The following ITIH2 variants were observed in gnomAD, a reference collection of about 807,000 sequenced individuals.
ITIH2 encodes inter-alpha-trypsin inhibitor heavy chain H2.
ITIH2 carries 103 observed loss-of-function variants against 104.4 expected under a neutral mutation model. The ratio of observed to expected loss-of-function variants is 0.99; its 90% CI spans 0.84 to 1.16. The LOEUF (loss-of-function observed/expected upper bound fraction) is 1.16. ITIH2 is among the 50% of genes most tolerant of loss of function. The pLI is 0.00. For missense variants in ITIH2, 1,108 were observed against 1,162.4 expected (o/e 0.95, Z 0.68); for synonymous variants, 436 against 435.4 (o/e 1.00, Z -0.02).
At chr10:7,748,398 G>A (rs868367168) in intron 20 of ITIH2, among the ~76,000 whole-genome samples, 1 of 149,640 alleles carries the variant, frequency 6.7e-6, no homozygotes, top group Non-Finnish European at 1.5e-5. Context: ...CAGTGTGAAC[G>A]AGATCCTTAA....
chr10:7,744,254 C>A lies in ITIH2; in HGVS notation c.2382C>A (p.Ser794=). The A allele has an allele frequency of 6.2e-7, 1 of 1,613,902 alleles. No individual in the cohort carries two copies. Among genetic ancestry groups the A allele is most frequent in the Non-Finnish European group, 8.5e-7 (1 of 1,179,918 alleles). Residue 794 remains serine, a synonymous_variant, in exon 18 of 21, where the codon TCC becomes TCA. Transcript: ENST00000358415. ...CTAGCACATTCTCCTTGTCCTGGTC[C>A]GACACGGCTCAAGTCACGAATCAGA... ...HGSSTFSLSW[S]DTAQVTNQRV...
intron 5 of ITIH2, among the ~76,000 whole-genome samples, chr10:7,714,061 A>T (rs1453094391): frequency 6.6e-6 from 1 of 151,938 alleles, no homozygotes; most frequent in African/African-American, 2.4e-5. Flanking sequence ...AATCTAAGTA[A>T]GACCTGGGAA....
At chr10:7,729,045 G>A (rs769652633) in intron 11 of ITIH2, among the ~76,000 whole-genome samples, 2 of 152,194 alleles carry the variant, frequency 1.3e-5, no homozygotes, top group Non-Finnish European at 2.9e-5. Flanking sequence ...CAGGCATGGT[G>A]GCTCACACCT....
At chr10:7,729,735 C>T (rs1834983897) in intron 11 of ITIH2, 1 of 446,094 alleles carries the variant, frequency 2.2e-6, no homozygotes, top group South Asian at 5.0e-5. Context: ...CAATATGTTG[C>T]TAATTCCCAA....
rs375927769 is a variant in ITIH2, at chr10:7,744,954, G to A, written c.2572G>A (p.Gly858Arg). ...PTNKFSPKAH[G>R]LIGQFMQEPK... ...AAACAAGTTCTCACCTAAAGCCCACGGACTAATAGGTAAAGTGTCTATTGA... is the reference window on the plus strand; with the variant it reads ...AAACAAGTTCTCACCTAAAGCCCACAGACTAATAGGTAAAGTGTCTATTGA... The change falls in exon 19 of 21, where the codon GGA becomes AGA. Residue 858 changes from glycine (G) to arginine (R), a missense_variant. Transcript: ENST00000358415. The A allele has an allele frequency of 1.1e-5, 17 of 1,613,340 alleles. No individual in the cohort carries two copies. The highest frequency in any genetic ancestry group is 8.0e-5 in the African/African-American group (6 of 74,902).
chr10:7,744,326 C>A, intron 18 of ITIH2, 46 bp downstream of exon 18: 1 of 1,427,764 alleles, frequency 7.0e-7, no homozygotes, highest in Non-Finnish European at 9.8e-7. Flanking sequence ...TGACACACGA[C>A]TGCATAAATA....
chr10:7,711,204 C>G (rs893760154), intron 4 of ITIH2, among the ~76,000 whole-genome samples: 2 of 152,158 alleles, frequency 1.3e-5, no homozygotes, highest in Non-Finnish European at 2.9e-5. Flanking sequence ...ATTTTCTGTT[C>G]CTGTGTTAGT....
At chr10:7,708,897 G>A (rs1834770890) in intron 3 of ITIH2, 125 bp from the exon 4 acceptor site, 6 of 801,198 alleles carry the variant, frequency 7.5e-6, no homozygotes, top group African/African-American at 1.7e-5. Context: ...CCTTACCAAG[G>A]CCCTGGAATT....
chr10:7,732,290 T>C (rs1402006365), intron 13 of ITIH2, 48 bp from the exon 14 acceptor site: 2 of 1,582,308 alleles, frequency 1.3e-6, no homozygotes, highest in Non-Finnish European at 1.7e-6. Context: ...ATCAATGAAC[T>C]ATAATTCTGT....
At chr10:7,744,396 T>A (rs903251810) in intron 18 of ITIH2, 116 bp downstream of exon 18, 2 of 948,040 alleles carry the variant, frequency 2.1e-6, no homozygotes, top group Non-Finnish European at 3.1e-6. Flanking sequence ...TATAAGGAAG[T>A]TGAGGTTCAG....
intron 15 of ITIH2, among the ~76,000 whole-genome samples, chr10:7,736,255 TACTC>T (rs1447334458): frequency 1.3e-5 from 2 of 152,014 alleles, no homozygotes; most frequent in Non-Finnish European, 2.9e-5. Flanking sequence ...TAGTCCCAAA[TACTC>T]AGGAGGCTGA....
At chr10:7,739,179 C>G (rs1036546054) in intron 16 of ITIH2, among the ~76,000 whole-genome samples, 1 of 152,200 alleles carries the variant, frequency 6.6e-6, no homozygotes, top group African/African-American at 2.4e-5. Context: ...AGACGGGGAG[C>G]TGCCCCGGGG....
At chr10:7,714,428 T>C (rs1408361967) in intron 5 of ITIH2, among the ~76,000 whole-genome samples, 1 of 152,100 alleles carries the variant, frequency 6.6e-6, no homozygotes, top group East Asian at 1.9e-4. Context: ...CGCCTCGGCC[T>C]CCCAAACTGC....
At chr10:7,707,784 C>T (rs1389755270) in intron 3 of ITIH2, among the ~76,000 whole-genome samples, 2 of 152,088 alleles carry the variant, frequency 1.3e-5, no homozygotes, top group Non-Finnish European at 1.5e-5. Context: ...AGGCTGGTCT[C>T]GAACTCCTGA....
At chr10:7,714,769 G>C (rs1392586599) in intron 5 of ITIH2, among the ~76,000 whole-genome samples, 1 of 152,148 alleles carries the variant, frequency 6.6e-6, no homozygotes, top group African/African-American at 2.4e-5. Flanking sequence ...GGAGTTCCGA[G>C]TGCCGAGTGT....
intron 4 of ITIH2, among the ~76,000 whole-genome samples, chr10:7,709,577 G>C (rs1042116281): frequency 6.6e-6 from 1 of 151,854 alleles, no homozygotes; most frequent in African/African-American, 2.4e-5. Flanking sequence ...AAAAAAACAA[G>C]TTGAGAACCA....
chr10:7,744,906 CT>C lies in ITIH2; in HGVS notation c.2525del (p.Leu842ArgfsTer18). ...WKKHPVNVDFLGIYIPPTNKF... is the reference protein window; with the variant it reads ...WKKHPVNVDFXGIYIPPTNKF... Reference sequence around the variant, plus strand: ...GAAGCATCCCGTCAATGTTGACTTTCTGGGAATCTACATACCCCCTACAAAC... The same window carrying C: ...GAAGCATCCCGTCAATGTTGACTTTCGGGAATCTACATACCCCCTACAAAC... On this transcript the variant is annotated frameshift_variant, in exon 19 of 21. Transcript: ENST00000358415. LOFTEE classifies it high-confidence loss of function. 2.5e-6 allele frequency: 4 copies of C among 1,614,188 alleles called. No individual in the cohort carries two copies. The highest frequency in any genetic ancestry group is 3.4e-6 in the Non-Finnish European group (4 of 1,180,014).
chr10:7,745,061 G>A, intron 19 of ITIH2, 98 bp downstream of exon 19: 1 of 1,047,632 alleles, frequency 9.5e-7, no homozygotes, highest in South Asian at 1.5e-5. Flanking sequence ...TGGCAGGTGT[G>A]GACTCATGAG....
intron 9 of ITIH2, among the ~76,000 whole-genome samples, chr10:7,724,434 G>A (rs1193155771): frequency 1.3e-5 from 2 of 151,982 alleles, no homozygotes; most frequent in Non-Finnish European, 2.9e-5. Context: ...GCCAGGCGTG[G>A]TGGTGCATGC....
Sources: gnomAD v4.1 joint callset for allele counts (sites outside exome capture counted in the v4.1 genomes callset) on GRCh38, gnomAD v4.1.1 for gene constraint, MANE v1.5 for transcripts, NCBI Gene and HGNC (gene_info 2026-07-23, HGNC 2026-07-21) for gene names.